Variants in YARS1 observed in about 807,000 individuals in gnomAD.
YARS1 encodes the protein tyrosyl-tRNA synthetase 1.
In YARS1, 36 loss-of-function variants were observed where a neutral mutation model predicts 62.2. That is an observed-to-expected ratio of 0.58 (90% confidence interval 0.44 to 0.76). The LOEUF is 0.76. Ranked by LOEUF, YARS1 falls within the 30% of genes least tolerant of loss-of-function variation. YARS1 has a pLI of 0.00. For synonymous variants in YARS1, 234 were observed against 244.9 expected, an observed-to-expected ratio of 0.96 and a Z score of 0.42; for missense variants, 524 against 639.8, an observed-to-expected ratio of 0.82 and a Z score of 1.95.
At chr1:32,799,843 G>C (rs751135374) in intron 4 of YARS1, among the ~76,000 whole-genome samples, 3 of 151,950 alleles carry the variant, frequency 2.0e-5, no homozygotes, top group Non-Finnish European at 4.4e-5. Context: ...CACACACACA[G>C]AATAAAACAG....
chr1:32,806,619 GGAAA>G lies in YARS1; in HGVS notation c.381-12_381-9del. 6.2e-7 allele frequency: 1 copy of G among 1,614,102 alleles called. No homozygotes were observed. Among genetic ancestry groups the G allele is most frequent in the South Asian group, 1.1e-5 (1 of 91,074 alleles). On this transcript the variant is annotated splice_polypyrimidine_tract_variant and intron_variant, in intron 3 of 12. Transcript: ENST00000373477. ...ACATCTAGTGTGTACTCTCTGAAGA[GGAAA>G]GGAAGAGGGGACAGCTGTAAACCTG...
rs1038988461 is a variant in YARS1 at position 32,782,107 on chromosome 1, G to C, written c.1042+297C>G. 1.2e-5 allele frequency: 5 copies of C among 425,902 alleles called. No individual in the cohort carries two copies. The East Asian group carries it at 2.5e-4, about 21-fold the overall frequency. The allele number at this position is 425,902 out of a possible 1,614,324, so 26.4% of individuals were successfully genotyped here. ...GGTGTGAGCCACTGTGTCTGGCCCC[G>C]GTCACTATCTTTAATGAAGAGGCAG... is the stretch of plus-strand genomic sequence containing the variant. On this transcript the variant is annotated intron_variant, in intron 9 of 12. Transcript: ENST00000373477.
chr1:32,786,988 T>A lies in YARS1; in HGVS notation c.772A>T (p.Asn258Tyr). 6.2e-7 allele frequency: 1 copy of A among 1,614,162 alleles called. No individual in the cohort carries two copies. Among genetic ancestry groups the A allele is most frequent in the African/African-American group, 1.3e-5 (1 of 75,032 alleles). Reference protein sequence around the residue: ...AFCEPGNVENNGVLSFIKHVL... With the variant: ...AFCEPGNVENYGVLSFIKHVL... ...TGCTTGATGAAGGACAGAACCCCAT[T>A]GTTCTCCACATTTCCTGGCTCACAG... The change falls in exon 7 of 13, where the codon AAT (asparagine) becomes TAT (tyrosine). Residue 258 changes from asparagine to tyrosine, a missense_variant. Asn to Tyr is a moderately radical substitution (Grantham distance 143). Transcript: ENST00000373477.
At chr1:32,787,641 C>CTGGGATTA (rs1653278028) in intron 6 of YARS1, among the ~76,000 whole-genome samples, 1 of 151,954 alleles carries the variant, frequency 6.6e-6, no homozygotes, top group Non-Finnish European at 1.5e-5. Flanking sequence ...TCCCGAATAG[C>CTGGGATTA]TGGGATTACA....
intron 6 of YARS1, among the ~76,000 whole-genome samples, chr1:32,788,488 T>C (rs1653310822): frequency 6.6e-6 from 1 of 152,194 alleles, no homozygotes; most frequent in South Asian, 2.1e-4. Flanking sequence ...TGGAGTACAA[T>C]GGCATGATCT....
chr1:32,806,021 C>G (rs183493429), intron 4 of YARS1, among the ~76,000 whole-genome samples: 4 of 152,010 alleles, frequency 2.6e-5, no homozygotes, highest in Non-Finnish European at 5.9e-5. Flanking sequence ...CACTTAGAGG[C>G]CATTGTAGGG....
At chr1:32,778,571 C>T (rs914099012) in intron 12 of YARS1, among the ~76,000 whole-genome samples, 8 of 151,508 alleles carry the variant, frequency 5.3e-5, no homozygotes, top group South Asian at 2.1e-4. Context: ...CGCGCCCGGC[C>T]GATTTTTTTC....
Position 32,797,762 on chromosome 1 carries a change from C to A in YARS1, c.591+1G>T, listed in dbSNP as rs764983203. 2.5e-6 allele frequency: 4 copies of A among 1,613,762 alleles called. No individual in the cohort carries two copies. The highest frequency in any genetic ancestry group is 1.7e-5 in the Admixed American group (1 of 60,018). On this transcript the variant is annotated splice_donor_variant, in intron 5 of 12. Coordinates refer to ENST00000373477, the MANE Select transcript of YARS1 (RefSeq NM_003680.4). LOFTEE classifies it high-confidence loss of function. ...AAAAAGACAGGAAAGCAGACACTCA[C>A]CTTCTCTGCAAAGGTGAAAATCTTT...
intron 3 of YARS1, among the ~76,000 whole-genome samples, chr1:32,809,974 C>T (rs112854851): frequency 3.3e-5 from 5 of 151,982 alleles, no homozygotes; most frequent in African/African-American, 7.2e-5. Context: ...GGTGTGGTGG[C>T]GCATGCCTGT....
intron 4 of YARS1, among the ~76,000 whole-genome samples, chr1:32,801,950 T>C (rs1211993599): frequency 7.1e-6 from 1 of 140,532 alleles, no homozygotes; most frequent in Non-Finnish European, 1.6e-5. Flanking sequence ...TTCTTTTTTT[T>C]TTTTTTTTTT....
At chr1:32,797,922 G>C in intron 4 of YARS1, 79 bp from the exon 5 acceptor site, 1 of 1,253,150 alleles carries the variant, frequency 8.0e-7, no homozygotes, top group Non-Finnish European at 1.1e-6. Context: ...CCAGGCTGGA[G>C]TGCTGTGGCG....
chr1:32,810,098 C>T (rs1638549953), intron 3 of YARS1, among the ~76,000 whole-genome samples: 1 of 126,566 alleles, frequency 7.9e-6, no homozygotes, highest in African/African-American at 2.6e-5. Context: ...AAGAGCAAAA[C>T]TCCACCTCAA....
rs1050573373 is a variant in YARS1 at position 32,786,505 on chromosome 1, C to T, written c.821-58G>A. 23 of 1,019,168 alleles carry T rather than the reference C, an allele frequency of 2.3e-5. No individual in the cohort carries two copies. The Admixed American group carries it at 5.1e-4, about 23-fold the overall frequency. 63.1% of individuals were successfully genotyped at this position (1,019,168 alleles called of 1,614,324 possible). A position where few individuals can be genotyped will look rare whatever the true frequency, so the allele number is the denominator to read the frequency against. On this transcript the variant is annotated intron_variant, in intron 7 of 12. Transcript: ENST00000373477. ...ATTGACAGCATTCCTAGCTCACATG[C>T]ATGACTATTCCTAGCCCACATGCAT...
intron 2 of YARS1, 42 bp downstream of exon 2, chr1:32,810,869 C>T (rs1159297700): frequency 1.2e-6 from 2 of 1,614,134 alleles, no homozygotes; most frequent in African/African-American, 2.7e-5. Flanking sequence ...TCTTGGGTCT[C>T]CCTTGGGTCA....
In YARS1 at chr1:32,782,488, A is replaced by G; in HGVS notation, c.958T>C (p.Leu320=). ...AACTTTTCCCGGATTGGATCCAGCAACTTGTTCAGTGCGACTTCAACAGAA... is the reference window on the plus strand; with the variant it reads ...AACTTTTCCCGGATTGGATCCAGCAGCTTGTTCAGTGCGACTTCAACAGAA... The part of the protein sequence containing the change: ...KNSVEVALNK[L]LDPIREKFNT... Residue 320 remains leucine, a synonymous_variant, in exon 9 of 13, where the codon TTG becomes CTG. Transcript: ENST00000373477. The G allele has an allele frequency of 6.2e-7, 1 of 1,614,158 alleles. No homozygotes were observed.
intron 4 of YARS1, among the ~76,000 whole-genome samples, chr1:32,802,012 A>G (rs1217027378): frequency 8.1e-6 from 1 of 123,284 alleles, no homozygotes; most frequent in Non-Finnish European, 1.6e-5. Context: ...CAGTGGCGGG[A>G]TCTCGGCTCA....
chr1:32,791,285 A>T, intron 5 of YARS1, 31 bp from the exon 6 acceptor site: 1 of 1,575,030 alleles, frequency 6.3e-7, no homozygotes, highest in Non-Finnish European at 8.7e-7. Context: ...ACAAAAGCCG[A>T]TATTAGTCTA....
At chr1:32,794,930 G>C (rs1473117364) in intron 5 of YARS1, among the ~76,000 whole-genome samples, 1 of 150,088 alleles carries the variant, frequency 6.7e-6, no homozygotes, top group Admixed American at 6.7e-5. Flanking sequence ...CTTGAACCCG[G>C]GAGGCGGAGG....
At chr1:32,779,191 T>C (rs781502920) in intron 12 of YARS1, among the ~76,000 whole-genome samples, 191 bp downstream of exon 12, 35 of 152,240 alleles carry the variant, frequency 2.3e-4, no homozygotes, top group Non-Finnish European at 3.4e-4. Context: ...GGAGATGTAA[T>C]GCAAGGTCCT....
Sources: allele counts gnomAD v4.1 joint callset (sites outside exome capture counted in the v4.1 genomes callset), GRCh38; gene constraint gnomAD v4.1.1; transcripts MANE v1.5; gene names NCBI Gene and HGNC (gene_info 2026-07-23, HGNC 2026-07-21).